RASGRF1: variants seen among roughly 807,000 people sequenced by gnomAD.
RASGRF1 encodes the protein ras-specific guanine nucleotide-releasing factor 1.
Under a neutral mutation model 138.7 loss-of-function variants are expected in RASGRF1, and 40 were observed. The ratio of observed to expected loss-of-function variants is 0.29; its 90% CI spans 0.22 to 0.38. RASGRF1 has a LOEUF of 0.38. Among genes scored for constraint, RASGRF1 ranks in the 10% least tolerant of loss-of-function variants. The probability of loss-of-function intolerance (pLI) is 1.00; values close to 1 mark genes in which losing one functional copy is unlikely to be tolerated. For synonymous variants in RASGRF1, 614 were observed against 663.2 expected (o/e 0.93, Z 1.14); for missense variants, 1,108 against 1,650.4 (o/e 0.67, Z 5.69).
At chr15:78,977,796 A>G (rs912941753) in intron 24 of RASGRF1, among the ~76,000 whole-genome samples, 3 of 152,242 alleles carry the variant, frequency 2.0e-5, no homozygotes, top group Non-Finnish European at 4.4e-5. Flanking sequence ...CAAAAGGTGC[A>G]GATATGCAAG....
chr15:79,068,759 GCT>G (rs1008804463), intron 1 of RASGRF1, among the ~76,000 whole-genome samples: 2 of 152,014 alleles, frequency 1.3e-5, no homozygotes, highest in Non-Finnish European at 2.9e-5. Flanking sequence ...CTCTCCCATA[GCT>G]CTCAGAGGCT....
intron 20 of RASGRF1, among the ~76,000 whole-genome samples, chr15:78,992,019 G>A (rs1316651694): frequency 1.3e-5 from 2 of 152,200 alleles, no homozygotes; most frequent in Non-Finnish European, 2.9e-5. Context: ...GCCGGTGTGT[G>A]CAGCCCAGTG....
chr15:79,033,807 C>T (rs915068348), intron 6 of RASGRF1, among the ~76,000 whole-genome samples: 8 of 151,996 alleles, frequency 5.3e-5, no homozygotes, highest in Admixed American at 4.6e-4. Context: ...CCAGGCTGGT[C>T]TCGAACTCTT....
At position 79,058,369 on chromosome 15, in the gene RASGRF1, C is replaced by T. The variant is rs1171850497; in HGVS notation, c.496G>A (p.Asp166Asn). Residue 166 changes from aspartate (D) to asparagine (N), a missense_variant, in exon 3 of 27, where the codon GAT (aspartate) becomes AAT (asparagine). Transcript: ENST00000558480. ...AGCCGCTCGATCTCGATCTCCCCAT[C>T]CTCGATCTGCTGCCGAAGCTGCTTG... ...VAKQLRQQIE[D>N]GEIEIERLKA... The T allele has an allele frequency of 6.2e-7, 1 of 1,613,984 alleles. No individual in the cohort carries two copies. Among genetic ancestry groups the T allele is most frequent in the Non-Finnish European group, 8.5e-7 (1 of 1,180,046 alleles).
intron 12 of RASGRF1, among the ~76,000 whole-genome samples, chr15:79,016,592 T>C (rs1567523687): frequency 1.3e-5 from 2 of 152,220 alleles, no homozygotes; most frequent in Non-Finnish European, 2.9e-5. Flanking sequence ...CTTTGACGGC[T>C]GCGGCTCACT....
chr15:78,978,968 G>A (rs1596317669), intron 24 of RASGRF1: 1 of 1,289,658 alleles, frequency 7.8e-7, no homozygotes. Flanking sequence ...GACGGTCAGG[G>A]TGGGGACTCA....
In RASGRF1 at chr15:78,998,818, G is replaced by A. The variant is rs2056451594; in HGVS notation, c.2754C>T (p.Pro918=). The change falls in exon 18 of 27, where the codon CCC becomes CCT. Residue 918 remains proline (P), a synonymous_variant. Coordinates refer to ENST00000558480, the MANE Select transcript of RASGRF1 (RefSeq NM_001145648.3). ...CCTTGTCTCCATTCCTCTGGTCTGG[G>A]GGAAACCCTGGCAGCATGCGTGGCA... is the stretch of plus-strand genomic sequence containing the variant. The part of the protein sequence containing the change: ...RRMSLASAGF[P]PDQRNGDKEF... 22 of 1,612,948 alleles carry A rather than the reference G, an allele frequency of 1.4e-5. No homozygotes were observed. The highest frequency in any genetic ancestry group is 1.9e-5 in the Non-Finnish European group (22 of 1,178,942).
At chr15:78,985,275 T>G (rs1227909089) in intron 22 of RASGRF1, 71 bp from the exon 23 acceptor site, 1 of 1,394,798 alleles carries the variant, frequency 7.2e-7, no homozygotes, top group Non-Finnish European at 9.9e-7. Flanking sequence ...GGTCACTATT[T>G]GCAGATATGA....
Position 78,975,851 on chromosome 15 carries a change from G to A in RASGRF1, c.3495-2431C>T, listed in dbSNP as rs563223900. Among the ~76,000 whole-genome samples, 3 of 152,260 alleles carry A rather than the reference G, an allele frequency of 2.0e-5. No individual in the cohort carries two copies. The South Asian group carries it at 6.2e-4, about 32-fold the overall frequency. On this transcript the variant is annotated intron_variant, in intron 24 of 26. Coordinates refer to ENST00000558480, the MANE Select transcript of RASGRF1 (RefSeq NM_001145648.3). ...TCATTTCCTTTCTATCATACTCCAA[G>A]TCTGAAGCCCAGGCTTATGAGTCTG...
intron 16 of RASGRF1, 125 bp downstream of exon 16, chr15:79,001,537 G>T (rs1317600215): frequency 8.2e-7 from 1 of 1,221,560 alleles, no homozygotes; most frequent in Non-Finnish European, 1.1e-6. Context: ...TATCAGAAAA[G>T]TTACTGCTCT....
intron 16 of RASGRF1, among the ~76,000 whole-genome samples, chr15:79,001,230 C>A (rs2141697935): frequency 6.6e-6 from 1 of 152,220 alleles, no homozygotes; most frequent in East Asian, 1.9e-4. Flanking sequence ...GCACTCAGTT[C>A]AGGAAGCACC....
chr15:79,073,377 G>C lies in RASGRF1; in HGVS notation c.277-8851C>G, dbSNP rs540949031. On this transcript the variant is annotated intron_variant, in intron 1 of 26. Coordinates refer to ENST00000558480, the MANE Select transcript of RASGRF1 (RefSeq NM_001145648.3). The surrounding 1 kb of genome is among the most constrained non-coding windows in gnomAD (Gnocchi z 4.2). ...ACTGGACTGGAGCCAGGTAGAGCAA[G>C]GGCTCCCCAAACTGCCCCAACAGGG... Among the ~76,000 whole-genome samples the C allele has an allele frequency of 3.6e-4, 55 of 152,224 alleles. No homozygotes were observed. Among genetic ancestry groups the C allele is most frequent in the African/African-American group, 1.3e-3 (52 of 41,524 alleles).
In RASGRF1 at chr15:79,073,438, G is replaced by A. The variant is rs7166032; in HGVS notation, c.277-8912C>T. 0.34 allele frequency among the ~76,000 whole-genome samples: 52,030 copies of A among 151,918 alleles called. 9,760 individuals carry two copies. The highest frequency in any genetic ancestry group is 0.5 in the African/African-American group (20,684 of 41,398). On this transcript the variant is annotated intron_variant, in intron 1 of 26. Coordinates refer to ENST00000558480, the MANE Select transcript of RASGRF1 (RefSeq NM_001145648.3). This position sits in a 1 kb window ranked among gnomAD's most constrained non-coding sequence, Gnocchi z 4.2. ...GGGAGTTTGCCTTAGGAAATAGGAG[G>A]AGAGGCAGTTGGTTGGCAGTATCAT...
At chr15:78,992,620 A>C (rs2056294855) in intron 20 of RASGRF1, among the ~76,000 whole-genome samples, 1 of 152,100 alleles carries the variant, frequency 6.6e-6, no homozygotes, top group Non-Finnish European at 1.5e-5. Context: ...CTCCCCCATC[A>C]CCACCTCAGG....
intron 1 of RASGRF1, among the ~76,000 whole-genome samples, chr15:79,079,843 C>A (rs2057890898): frequency 6.6e-6 from 1 of 152,206 alleles, no homozygotes; most frequent in Admixed American, 6.5e-5. Context: ...GTCCAATTGA[C>A]CTTCCATTCC....
At position 79,001,731 on chromosome 15, in the gene RASGRF1, C is replaced by A. The variant is rs1222921920; in HGVS notation, c.2506G>T (p.Gly836Cys). ...SDIDQNQSDD[G>C]DTETSPTKSP... ...TTAGTTGGTGATGTTTCAGTATCAC[C>A]ATCATCACTCTGGTTTTGATCAATA... Residue 836 changes from glycine (G) to cysteine (C), a missense_variant, in exon 16 of 27, where the codon GGT becomes TGT. Coordinates refer to ENST00000558480, the MANE Select transcript of RASGRF1 (RefSeq NM_001145648.3). 3 of 1,610,452 alleles carry A rather than the reference C, an allele frequency of 1.9e-6. No individual in the cohort carries two copies. The highest frequency in any genetic ancestry group is 2.2e-5 in the South Asian group (2 of 90,958).
chr15:78,980,575 G>C (rs374659199), intron 24 of RASGRF1, 45 bp downstream of exon 24: 1 of 1,496,590 alleles, frequency 6.7e-7, no homozygotes, highest in Non-Finnish European at 9.3e-7. Context: ...TGCAATGCAG[G>C]TCTATGATTT....
At chr15:78,993,963 G>A (rs910782865) in intron 20 of RASGRF1, among the ~76,000 whole-genome samples, 1 of 152,144 alleles carries the variant, frequency 6.6e-6, no homozygotes, top group African/African-American at 2.4e-5. Flanking sequence ...GTGAGGCCGC[G>A]GGGCCCTCTC....
chr15:79,002,455 G>A (rs1448363123), intron 15 of RASGRF1, among the ~76,000 whole-genome samples: 1 of 152,186 alleles, frequency 6.6e-6, no homozygotes, highest in African/African-American at 2.4e-5. Context: ...AGTTGCATCT[G>A]ACCTTGAGAA....
Sources: allele counts gnomAD v4.1 joint callset (sites outside exome capture counted in the v4.1 genomes callset), GRCh38; gene constraint gnomAD v4.1.1; non-coding constraint Gnocchi (gnomAD v3.1); transcripts MANE v1.5; gene names NCBI Gene and HGNC (gene_info 2026-07-23, HGNC 2026-07-21).